The following PARD3B variants were observed in gnomAD, a reference collection of about 807,000 sequenced individuals.
PARD3B encodes the protein partitioning defective 3 homolog B.
A neutral mutation model predicts 130.2 loss-of-function variants in PARD3B; 103 were observed. That is an observed-to-expected ratio of 0.79 (90% CI 0.67 to 0.93). The LOEUF (loss-of-function observed/expected upper bound fraction) is 0.93. PARD3B is among the 40% of genes least tolerant of loss of function. The pLI is 0.00. For synonymous variants in PARD3B, 583 were observed against 553.2 expected (o/e 1.05, Z -0.76); for missense variants, 1,609 against 1,499.2 (o/e 1.07, Z -1.21).
At chr2:205,417,427 T>C (rs1426831760) in intron 19 of PARD3B, among the ~76,000 whole-genome samples, 1 of 152,186 alleles carries the variant, frequency 6.6e-6, no homozygotes, top group Admixed American at 6.5e-5. Flanking sequence ...TGATTTATAA[T>C]CCTTTGGGTA....
chr2:205,325,980 G>T lies in PARD3B; in HGVS notation c.2630+24279G>T, dbSNP rs2042926679. Among the ~76,000 whole-genome samples, 1 of 152,082 alleles carries T rather than the reference G, an allele frequency of 6.6e-6. No individual in the cohort carries two copies. On this transcript the variant is annotated intron_variant, in intron 18 of 22. Coordinates refer to ENST00000406610, the MANE Select transcript of PARD3B (RefSeq NM_001302769.2). The surrounding 1 kb of genome is among the most constrained non-coding windows in gnomAD (Gnocchi z 4.1). ...TGAATATCATGTACTGTTTTATCAA[G>T]CTTTAAATCTGAGGAAATGGAATCT...
chr2:205,148,513 T>C (rs563596789), intron 10 of PARD3B, among the ~76,000 whole-genome samples: 1 of 152,324 alleles, frequency 6.6e-6, no homozygotes, highest in African/African-American at 2.4e-5. Context: ...CCAGTGCTTC[T>C]TCAGAAGATT....
At chr2:204,802,434 G>A (rs960803694) in intron 2 of PARD3B, among the ~76,000 whole-genome samples, 12 of 152,108 alleles carry the variant, frequency 7.9e-5, no homozygotes, top group Non-Finnish European at 1.3e-4. Context: ...ACAGTGTGGC[G>A]ATTCCTCAAG....
At chr2:205,448,761 C>T (rs981553561) in intron 20 of PARD3B, among the ~76,000 whole-genome samples, 4 of 152,166 alleles carry the variant, frequency 2.6e-5, no homozygotes, top group Non-Finnish European at 4.4e-5. Flanking sequence ...TTAATCTAGT[C>T]TGCTATTATC....
intron 2 of PARD3B, among the ~76,000 whole-genome samples, chr2:204,786,679 T>A (rs897631429): frequency 3.3e-5 from 5 of 151,448 alleles, no homozygotes; most frequent in African/African-American, 1.2e-4. Context: ...CTTTTTTAAC[T>A]TAAATAAAAA....
chr2:205,136,520 T>C (rs2032497886), intron 10 of PARD3B, among the ~76,000 whole-genome samples: 1 of 152,222 alleles, frequency 6.6e-6, no homozygotes, highest in African/African-American at 2.4e-5. Flanking sequence ...TCCCGGCTTA[T>C]GGAAATGCCT....
At chr2:205,350,298 A>C (rs1559690081) in intron 18 of PARD3B, among the ~76,000 whole-genome samples, 1 of 152,206 alleles carries the variant, frequency 6.6e-6, no homozygotes, top group Non-Finnish European at 1.5e-5. Context: ...AATCTTTTTC[A>C]ATAAGAAACC....
intron 2 of PARD3B, among the ~76,000 whole-genome samples, chr2:204,886,372 A>G (rs2046271769): frequency 1.3e-5 from 2 of 152,222 alleles, no homozygotes; most frequent in African/African-American, 4.8e-5. Flanking sequence ...AGACATCAAG[A>G]AAGCTGTCAC....
chr2:205,132,634 T>G (rs1398441872), intron 10 of PARD3B, among the ~76,000 whole-genome samples: 3 of 152,184 alleles, frequency 2.0e-5, no homozygotes, highest in Non-Finnish European at 4.4e-5. Context: ...TCACACAATA[T>G]TATAATTTCT....
chr2:205,547,516 A>G (rs1575323418), intron 21 of PARD3B, among the ~76,000 whole-genome samples: 1 of 152,160 alleles, frequency 6.6e-6, no homozygotes, highest in African/African-American at 2.4e-5. Context: ...TTCAGGAATG[A>G]TTTTTCCAAG....
chr2:204,628,278 G>GT (rs35913282), intron 1 of PARD3B, among the ~76,000 whole-genome samples: 96,617 of 147,206 alleles, frequency 0.66, 33,472 homozygotes, highest in East Asian at 0.78. Flanking sequence ...CTAAATTCCC[G>GT]TTTTTTTTTT....
At chr2:205,055,369 T>A (rs939926368) in intron 4 of PARD3B, among the ~76,000 whole-genome samples, 5 of 152,200 alleles carry the variant, frequency 3.3e-5, no homozygotes, top group Middle Eastern at 3.2e-3. Flanking sequence ...ACTTCTGGTA[T>A]GTGAATTAAT....
Position 205,458,023 on chromosome 2 carries a change from G to C in PARD3B, c.3044+17351G>C, listed in dbSNP as rs984552946. ...CTGGTCCCAGACTTTTCAGATAAGG[G>C]ATACTCAACCTGTAATGTATCATTT... On this transcript the variant is annotated intron_variant, in intron 20 of 22. Coordinates refer to ENST00000406610, the MANE Select transcript of PARD3B (RefSeq NM_001302769.2). The surrounding 1 kb of genome is among the most constrained non-coding windows in gnomAD (Gnocchi z 4.8). 7.9e-5 allele frequency among the ~76,000 whole-genome samples: 12 copies of C among 152,072 alleles called. No homozygotes were observed. The highest frequency in any genetic ancestry group is 2.9e-4 in the African/African-American group (12 of 41,416).
intron 2 of PARD3B, among the ~76,000 whole-genome samples, chr2:204,961,089 T>C (rs1313197122): frequency 6.6e-6 from 1 of 152,026 alleles, no homozygotes; most frequent in East Asian, 1.9e-4. Context: ...ACGTCAGAAA[T>C]GGAACAGGAG....
At chr2:204,607,790 A>T (rs879907012) in intron 1 of PARD3B, among the ~76,000 whole-genome samples, 1 of 152,154 alleles carries the variant, frequency 6.6e-6, no homozygotes, top group Non-Finnish European at 1.5e-5. Context: ...AGACTTCGCG[A>T]GAGAGGGATT....
At chr2:204,556,025 G>A (rs1225563472) in intron 1 of PARD3B, among the ~76,000 whole-genome samples, 1 of 152,068 alleles carries the variant, frequency 6.6e-6, no homozygotes, top group Non-Finnish European at 1.5e-5. Context: ...CTTCAATAAA[G>A]GTAGAGATAT....
intron 20 of PARD3B, among the ~76,000 whole-genome samples, chr2:205,466,394 T>A (rs1268303833): frequency 1.3e-5 from 2 of 152,184 alleles, no homozygotes; most frequent in African/African-American, 2.4e-5. Context: ...TTTTTGGGTC[T>A]TTTTTATATT....
chr2:204,937,272 T>C (rs564527708), intron 2 of PARD3B, among the ~76,000 whole-genome samples: 1 of 152,340 alleles, frequency 6.6e-6, no homozygotes, highest in South Asian at 2.1e-4. Flanking sequence ...TCTTCCCAAC[T>C]CTTTTTAATT....
intron 21 of PARD3B, among the ~76,000 whole-genome samples, chr2:205,539,155 C>G (rs778043688): frequency 2.0e-5 from 3 of 152,116 alleles, no homozygotes; most frequent in African/African-American, 2.4e-5. Context: ...GAATCAGACA[C>G]GCATTAGGAG....
Sources: gnomAD v4.1 joint callset for allele counts (sites outside exome capture counted in the v4.1 genomes callset) on GRCh38, gnomAD v4.1.1 for gene constraint, Gnocchi (gnomAD v3.1) non-coding constraint, MANE v1.5 for transcripts, NCBI Gene and HGNC (gene_info 2026-07-23, HGNC 2026-07-21) for gene names.